Variants in HEBP2 observed in about 807,000 individuals in gnomAD.
The protein encoded by HEBP2 is heme-binding protein 2.
In HEBP2, 27 loss-of-function variants were observed where a neutral mutation model predicts 23.1. The observed-to-expected ratio is 1.17, with a 90% CI of 0.86 to 1.61. HEBP2 has a LOEUF of 1.61. Ranked by LOEUF, HEBP2 falls within the 40% of genes most tolerant of loss-of-function variation. The pLI, the probability that HEBP2 is intolerant of heterozygous loss-of-function variation, is 0.00. For missense variants in HEBP2, 245 were observed against 253.8 expected (o/e 0.97, Z 0.24); for synonymous variants, 99 against 95.1 (o/e 1.04, Z -0.24).
chr6:138,408,782 C>T (rs1283538290), intron 3 of HEBP2, among the ~76,000 whole-genome samples: 1 of 152,180 alleles, frequency 6.6e-6, no homozygotes, highest in East Asian at 1.9e-4. Context: ...GTTTTAGACC[C>T]TCATTTCATA....
intron 2 of HEBP2, 132 bp from the exon 3 acceptor site, chr6:138,405,839 G>A (rs1774634937): frequency 1.3e-6 from 1 of 780,248 alleles, no homozygotes; most frequent in Non-Finnish European, 2.0e-6. Context: ...ACTGTTTTAA[G>A]ATGAAAATTA....
intron 3 of HEBP2, among the ~76,000 whole-genome samples, chr6:138,408,032 A>G (rs1774680442): frequency 6.6e-6 from 1 of 152,186 alleles, no homozygotes; most frequent in Non-Finnish European, 1.5e-5. Flanking sequence ...TTGGCATGTG[A>G]TGGGAGAGGC....
Position 138,421,832 on chromosome 6 carries a change from G to GACTT in HEBP2, c.*8755_*8758dup, listed in dbSNP as rs1038812621. The GACTT allele has an allele frequency of 3.9e-5, 6 of 152,176 alleles. No homozygotes were observed. Among genetic ancestry groups the GACTT allele is most frequent in the Non-Finnish European group, 5.9e-5 (4 of 68,030 alleles). The allele number at this position is 152,176 out of a possible 1,614,324, so 9.4% of individuals were successfully genotyped here. On this transcript the variant is annotated 3_prime_UTR_variant, in exon 4 of 4. Coordinates refer to ENST00000607197, the MANE Select transcript of HEBP2 (RefSeq NM_014320.3). ...TCCAAAGTCCATAGGACACGATGTG[G>GACTT]ACTTGTTTTTCCACGTGCCCTTGTA...
At position 138,404,307 on chromosome 6, in the gene HEBP2, C is replaced by T. The variant is rs898677355; in HGVS notation, c.-189C>T. 8.6e-5 allele frequency: 30 copies of T among 347,016 alleles called. No individual in the cohort carries two copies. Among genetic ancestry groups the T allele is most frequent in the Non-Finnish European group, 1.3e-4 (26 of 195,650 alleles). 21.5% of individuals were successfully genotyped at this position (347,016 alleles called of 1,614,324 possible). ...TCGTGAGCCGGCCCCGCCTTGGTGGCGGCGCCCCCTCGCGGTCCAGAGGCA... is the reference window on the plus strand; with the variant it reads ...TCGTGAGCCGGCCCCGCCTTGGTGGTGGCGCCCCCTCGCGGTCCAGAGGCA... On this transcript the variant is annotated 5_prime_UTR_variant, in exon 1 of 4. Transcript: ENST00000607197.
At chr6:138,405,020 C>G in intron 1 of HEBP2, 125 bp from the exon 2 acceptor site, 1 of 1,032,336 alleles carries the variant, frequency 9.7e-7, no homozygotes, top group Non-Finnish European at 1.4e-6. Context: ...AGGCCGGACC[C>G]CGGGGCGGTG....
rs1156622443 is a variant in HEBP2, at chr6:138,420,638, AG to A, written c.*7565del. ...TGGAAATTGAGAGCATGCTTTTCTG[AG>A]GGGGCCCTCTTGCCAAAGACCAAGC... On this transcript the variant is annotated 3_prime_UTR_variant, in exon 4 of 4. Transcript: ENST00000607197. 1.3e-5 allele frequency: 2 copies of A among 152,216 alleles called. No individual in the cohort carries two copies. The highest frequency in any genetic ancestry group is 2.4e-5 in the African/African-American group (1 of 41,442). The allele number at this position is 152,216 out of a possible 1,614,324, so 9.4% of individuals were successfully genotyped here.
At position 138,404,535 on chromosome 6, in the gene HEBP2, G is replaced by T. The variant is rs931505947; in HGVS notation, c.40G>T (p.Asp14Tyr). The T allele has an allele frequency of 1.1e-5, 14 of 1,300,536 alleles. No individual in the cohort carries two copies. Among genetic ancestry groups the T allele is most frequent in the Non-Finnish European group, 1.4e-5 (14 of 1,023,688 alleles). 80.6% of individuals were successfully genotyped at this position (1,300,536 alleles called of 1,614,324 possible). The change falls in exon 1 of 4, where the codon GAC (aspartate) becomes TAC (tyrosine). Residue 14 changes from aspartate to tyrosine, a missense_variant. Coordinates refer to ENST00000607197, the MANE Select transcript of HEBP2 (RefSeq NM_014320.3). ...PLQPDPGAAE[D>Y]AAAQAVETPG... ...CCAGCCAGACCCCGGGGCGGCCGAGGACGCGGCGGCCCAAGCTGTGGAGAC... is the reference window on the plus strand; with the variant it reads ...CCAGCCAGACCCCGGGGCGGCCGAGTACGCGGCGGCCCAAGCTGTGGAGAC...
chr6:138,409,180 C>A (rs978904979), intron 3 of HEBP2, among the ~76,000 whole-genome samples: 1 of 152,074 alleles, frequency 6.6e-6, no homozygotes, highest in African/African-American at 2.4e-5. Context: ...CCATGCCCAG[C>A]TAATTTATTA....
In HEBP2 at chr6:138,404,410, G is replaced by T; in HGVS notation, c.-86G>T. The T allele has an allele frequency of 1.1e-6, 1 of 939,620 alleles. No individual in the cohort carries two copies. Among genetic ancestry groups the T allele is most frequent in the South Asian group, 5.2e-5 (1 of 19,136 alleles). The allele number at this position is 939,620 out of a possible 1,614,324, so 58.2% of individuals were successfully genotyped here. A position where few individuals can be genotyped will look rare whatever the true frequency, so the allele number is the denominator to read the frequency against. On this transcript the variant is annotated 5_prime_UTR_variant, in exon 1 of 4. Coordinates refer to ENST00000607197, the MANE Select transcript of HEBP2 (RefSeq NM_014320.3). ...CTGCGGAGCGGGGACTCGGGGCCTC[G>T]GCGGGGCGCGCACACGCAGGCGGGG... is the stretch of plus-strand genomic sequence containing the variant.
In HEBP2 at chr6:138,412,962, G is replaced by C; in HGVS notation, c.502G>C (p.Val168Leu). The change falls in exon 4 of 4, where the codon GTT becomes CTT. Residue 168 changes from valine to leucine, a missense_variant. Val to Leu is a conservative substitution (Grantham distance 32). Coordinates refer to ENST00000607197, the MANE Select transcript of HEBP2 (RefSeq NM_014320.3). ...AAGCATTTTAAGGGAAGATGGAAAA[G>C]TTTTCGATGAGAAGGTTTACTACAC... ...LASILREDGK[V>L]FDEKVYYTAG... is the part of the protein sequence containing the mutation. 1 of 1,614,142 alleles carries C rather than the reference G, an allele frequency of 6.2e-7. No homozygotes were observed. Among genetic ancestry groups the C allele is most frequent in the Non-Finnish European group, 8.5e-7 (1 of 1,179,996 alleles).
At position 138,405,234 on chromosome 6, in the gene HEBP2, G is replaced by A. The variant is rs534273390; in HGVS notation, c.192G>A (p.Thr64=). Residue 64 remains threonine, a synonymous_variant, in exon 2 of 4, where the codon ACG becomes ACA. Coordinates refer to ENST00000607197, the MANE Select transcript of HEBP2 (RefSeq NM_014320.3). ...ESMDWDSAIQ[T]GFTKLNSYIQ... is the part of the protein sequence containing the mutation. ...TGGACTGGGATTCAGCCATCCAGAC[G>A]GGCTTTACGAAACTGAACAGCTACA... 4.3e-6 allele frequency: 7 copies of A among 1,614,172 alleles called. No individual in the cohort carries two copies. In the South Asian group the frequency reaches 6.6e-5, roughly 15 times the overall value.
chr6:138,404,383 G>C lies in HEBP2; in HGVS notation c.-113G>C, dbSNP rs148419987. On this transcript the variant is annotated 5_prime_UTR_variant, in exon 1 of 4. Coordinates refer to ENST00000607197, the MANE Select transcript of HEBP2 (RefSeq NM_014320.3). ...CAGCCCGGCCGGGAGGAGGGACCGG[G>C]TCTGCGGAGCGGGGACTCGGGGCCT... 0.052 allele frequency: 32,985 copies of C among 628,746 alleles called. 1,028 individuals are homozygous for C. Among genetic ancestry groups the C allele is most frequent in the African/African-American group, 0.081 (4,191 of 51,714 alleles). The allele number at this position is 628,746 out of a possible 1,614,324, so 38.9% of individuals were successfully genotyped here.
At chr6:138,409,430 T>C (rs1314175138) in intron 3 of HEBP2, among the ~76,000 whole-genome samples, 1 of 152,252 alleles carries the variant, frequency 6.6e-6, no homozygotes, top group Non-Finnish European at 1.5e-5. Flanking sequence ...TGTTCCCTCC[T>C]CTCTATCACC....
chr6:138,410,479 CTT>C (rs59336303), intron 3 of HEBP2, among the ~76,000 whole-genome samples: 37 of 134,850 alleles, frequency 2.7e-4, no homozygotes, highest in African/African-American at 8.5e-4. Flanking sequence ...ATGTTTCTTT[CTT>C]TTTTTTTTTT....
In HEBP2 at chr6:138,412,701, A is replaced by T. The variant is rs375981542; in HGVS notation, c.420-179A>T. 1.2e-4 allele frequency among the ~76,000 whole-genome samples: 18 copies of T among 152,184 alleles called. 1 individual carries two copies. Among genetic ancestry groups the T allele is most frequent in the Admixed American group, 5.2e-4 (8 of 15,292 alleles). ...ACTCCTGACCTCAAGTGATCCGCCCACCTTGGCCTCCCAAAGTCCTGGGAT... is the reference window on the plus strand; with the variant it reads ...ACTCCTGACCTCAAGTGATCCGCCCTCCTTGGCCTCCCAAAGTCCTGGGAT... On this transcript the variant is annotated intron_variant, in intron 3 of 3. Coordinates refer to ENST00000607197, the MANE Select transcript of HEBP2 (RefSeq NM_014320.3).
chr6:138,413,752 C>T lies in HEBP2; in HGVS notation c.*674C>T, dbSNP rs1226712066. 6.6e-6 allele frequency: 1 copy of T among 152,202 alleles called. No individual in the cohort carries two copies. The highest frequency in any genetic ancestry group is 1.5e-5 in the Non-Finnish European group (1 of 68,102). 9.4% of individuals were successfully genotyped at this position (152,202 alleles called of 1,614,324 possible). A position where few individuals can be genotyped will look rare whatever the true frequency, so the allele number is the denominator to read the frequency against. On this transcript the variant is annotated 3_prime_UTR_variant, in exon 4 of 4. Coordinates refer to ENST00000607197, the MANE Select transcript of HEBP2 (RefSeq NM_014320.3). ...ATTCTTTAACTCATTGTAGGGAGTC[C>T]CTGCTATGTTCCAAGCACTCTGCTA... is the stretch of plus-strand genomic sequence containing the variant.
At chr6:138,412,697 G>A (rs745891876) in intron 3 of HEBP2, among the ~76,000 whole-genome samples, 183 bp from the exon 4 acceptor site, 6 of 152,072 alleles carry the variant, frequency 3.9e-5, no homozygotes, top group Non-Finnish European at 7.4e-5. Context: ...CAAGTGATCC[G>A]CCCACCTTGG....
chr6:138,408,977 A>C (rs181202970), intron 3 of HEBP2, among the ~76,000 whole-genome samples: 7 of 152,114 alleles, frequency 4.6e-5, no homozygotes, highest in African/African-American at 1.4e-4. Context: ...CTCTGATCTT[A>C]TAGTGCCTGT....
rs1228929664 is a variant in HEBP2, at chr6:138,414,924, C to A, written c.*1846C>A. On this transcript the variant is annotated 3_prime_UTR_variant, in exon 4 of 4. Coordinates refer to ENST00000607197, the MANE Select transcript of HEBP2 (RefSeq NM_014320.3). ...ATAAAAAATTAGCCAAGCGTGGTGG[C>A]ACACGCCTGTATTCCTAGCTCCTGA... 1 of 152,216 alleles carries A rather than the reference C, an allele frequency of 6.6e-6. No homozygotes were observed. Among genetic ancestry groups the A allele is most frequent in the African/African-American group, 2.4e-5 (1 of 41,436 alleles). The allele number at this position is 152,216 out of a possible 1,614,324, so 9.4% of individuals were successfully genotyped here. A position where few individuals can be genotyped will look rare whatever the true frequency, so the allele number is the denominator to read the frequency against.
Sources: allele counts gnomAD v4.1 joint callset (sites outside exome capture counted in the v4.1 genomes callset), GRCh38; gene constraint gnomAD v4.1.1; transcripts MANE v1.5; gene names NCBI Gene and HGNC (gene_info 2026-07-23, HGNC 2026-07-21).